Variants in NF1 observed in about 807,000 individuals in gnomAD.
The protein encoded by NF1 is neurofibromin.
In NF1, 122 loss-of-function variants were observed where a neutral mutation model predicts 325.7. The ratio of observed to expected loss-of-function variants is 0.37; its 90% CI spans 0.32 to 0.44. NF1 has a LOEUF of 0.44. Among genes scored for constraint, NF1 ranks in the 20% least tolerant of loss-of-function variants. The pLI is 1.00. For missense variants in NF1, 2,140 were observed against 3,415.4 expected, an observed-to-expected ratio of 0.63 and a Z score of 9.31; for synonymous variants, 1,091 against 1,186.0, an observed-to-expected ratio of 0.92 and a Z score of 1.65.
chr17:31,203,129 G>T (rs1759128500), intron 11 of NF1, among the ~76,000 whole-genome samples: 1 of 152,174 alleles, frequency 6.6e-6, no homozygotes, highest in South Asian at 2.1e-4. Flanking sequence ...ACTTGGCACT[G>T]CTGTAAGTGG....
At position 31,355,358 on chromosome 17, in the gene NF1, G is replaced by A. The variant is rs559878485; in HGVS notation, c.7616-1102G>A. ...GCTACCTCAGACTAATTACTTAACT[G>A]CTCATGGCTTCATCAGTGTACATGT... On this transcript the variant is annotated intron_variant, in intron 51 of 57. Transcript: ENST00000358273. Among the ~76,000 whole-genome samples the A allele has an allele frequency of 2.2e-4, 34 of 152,076 alleles. No homozygotes were observed. The South Asian group carries it at 5.8e-3, about 26-fold the overall frequency.
intron 54 of NF1, 67 bp downstream of exon 54, chr17:31,357,436 A>G (rs751662128): frequency 2.4e-5 from 30 of 1,257,156 alleles, no homozygotes; most frequent in Non-Finnish European, 3.3e-5. Context: ...TTACCCAGTA[A>G]TGTGCACTGG....
chr17:31,234,699 A>G (rs2151437010), intron 27 of NF1, among the ~76,000 whole-genome samples: 1 of 149,470 alleles, frequency 6.7e-6, no homozygotes, highest in Non-Finnish European at 1.5e-5. Context: ...AAAAAAAAGA[A>G]TCATTTAGTT....
chr17:31,263,021 A>T (rs1336745896), intron 35 of NF1, among the ~76,000 whole-genome samples: 1 of 68,950 alleles, frequency 1.5e-5, no homozygotes, highest in African/African-American at 5.6e-5. Flanking sequence ...TGTCTTTATT[A>T]GATAGATAGA....
chr17:31,186,241 A>G (rs575517067), intron 8 of NF1, among the ~76,000 whole-genome samples: 1 of 152,268 alleles, frequency 6.6e-6, no homozygotes, highest in African/African-American at 2.4e-5. Context: ...CTCCCCACCT[A>G]TACTGATAGC....
intron 36 of NF1, chr17:31,318,912 A>G (rs2069101587): frequency 6.2e-7 from 1 of 1,613,902 alleles, no homozygotes; most frequent in Non-Finnish European, 8.5e-7. Context: ...TAGCCCACAG[A>G]CGGGTATAGT....
At chr17:31,130,320 C>T (rs1915258953) in intron 1 of NF1, among the ~76,000 whole-genome samples, 1 of 152,174 alleles carries the variant, frequency 6.6e-6, no homozygotes, top group African/African-American at 2.4e-5. Flanking sequence ...TCACAATACT[C>T]CCGTGGGTTG....
chr17:31,274,177 G>A (rs2067957686), intron 36 of NF1, among the ~76,000 whole-genome samples: 1 of 152,098 alleles, frequency 6.6e-6, no homozygotes, highest in Admixed American at 6.6e-5. Flanking sequence ...TTTTCATACT[G>A]AGTTTACAAA....
chr17:31,256,639 A>T (rs1032753766), intron 31 of NF1, among the ~76,000 whole-genome samples: 2 of 152,152 alleles, frequency 1.3e-5, no homozygotes, highest in Non-Finnish European at 2.9e-5. Flanking sequence ...AAGCACTGGA[A>T]TTTTTTCTTA....
intron 11 of NF1, among the ~76,000 whole-genome samples, chr17:31,206,005 T>C (rs890431137): frequency 2.0e-5 from 3 of 152,124 alleles, no homozygotes; most frequent in African/African-American, 7.2e-5. Flanking sequence ...ATGCACATGC[T>C]CATAAAGTGG....
chr17:31,335,295 T>TATATATATATAA (rs2069630412), intron 40 of NF1, among the ~76,000 whole-genome samples: 2 of 128,890 alleles, frequency 1.6e-5, no homozygotes, highest in African/African-American at 6.4e-5. Flanking sequence ...TATATATATA[T>TATATATATATAA]AATTATGCCT....
At chr17:31,115,518 G>C (rs574308639) in intron 1 of NF1, among the ~76,000 whole-genome samples, 9 of 152,278 alleles carry the variant, frequency 5.9e-5, no homozygotes, top group Admixed American at 2.6e-4. Context: ...TGTGCCCCTT[G>C]ATTCTCAGGC....
intron 1 of NF1, among the ~76,000 whole-genome samples, chr17:31,151,957 T>A (rs909376746): frequency 3.3e-5 from 5 of 152,206 alleles, no homozygotes; most frequent in Non-Finnish European, 7.3e-5. Flanking sequence ...TATGTATACA[T>A]GTGCCATGTT....
chr17:31,310,661 A>C (rs1480174823), intron 36 of NF1, among the ~76,000 whole-genome samples: 2 of 151,924 alleles, frequency 1.3e-5, no homozygotes, highest in African/African-American at 4.8e-5. Flanking sequence ...GACACTATCC[A>C]GAAGCATACC....
chr17:31,147,834 T>C lies in NF1; in HGVS notation c.61-8149T>C, dbSNP rs115458861. 9.4e-3 allele frequency among the ~76,000 whole-genome samples: 1,425 copies of C among 152,358 alleles called. 28 individuals carry two copies. Among genetic ancestry groups the C allele is most frequent in the African/African-American group, 0.032 (1,343 of 41,594 alleles). On this transcript the variant is annotated intron_variant, in intron 1 of 57. Transcript: ENST00000358273. Reference sequence around the variant, plus strand: ...TTTTCAGAAGTTTTTAGTTTAGCCTTTTTACCCTCTTCCACTCACTGAGGC... The same window carrying C: ...TTTTCAGAAGTTTTTAGTTTAGCCTCTTTACCCTCTTCCACTCACTGAGGC...
chr17:31,278,796 G>A (rs1173474012), intron 36 of NF1, among the ~76,000 whole-genome samples: 1 of 151,712 alleles, frequency 6.6e-6, no homozygotes, highest in Non-Finnish European at 1.5e-5. Context: ...CGTATTTTTA[G>A]TAGAGATGGG....
intron 1 of NF1, among the ~76,000 whole-genome samples, chr17:31,104,769 G>A (rs1244006783): frequency 6.6e-6 from 1 of 152,080 alleles, no homozygotes; most frequent in Non-Finnish European, 1.5e-5. Flanking sequence ...TAATGCTATA[G>A]GATATAAACT....
intron 12 of NF1, among the ~76,000 whole-genome samples, chr17:31,210,094 T>C (rs2066700558): frequency 6.6e-6 from 1 of 152,242 alleles, no homozygotes; most frequent in Non-Finnish European, 1.5e-5. Flanking sequence ...TTCTTGACAT[T>C]CAGTTCAGTG....
chr17:31,310,202 A>G (rs1451267670), intron 36 of NF1, among the ~76,000 whole-genome samples: 1 of 152,194 alleles, frequency 6.6e-6, no homozygotes. Flanking sequence ...GCAGGGGAAT[A>G]AAAAGGAGAT....
Sources: gnomAD v4.1 joint callset for allele counts (sites outside exome capture counted in the v4.1 genomes callset) on GRCh38, gnomAD v4.1.1 for gene constraint, MANE v1.5 for transcripts, NCBI Gene and HGNC (gene_info 2026-07-23, HGNC 2026-07-21) for gene names.